Variants in GRK5 observed in about 807,000 individuals in gnomAD.
GRK5 encodes G protein-coupled receptor kinase 5.
A neutral mutation model predicts 78.4 loss-of-function variants in GRK5; 40 were observed. The ratio of observed to expected loss-of-function variants is 0.51; its 90% CI spans 0.40 to 0.66. The LOEUF (loss-of-function observed/expected upper bound fraction) is 0.66, where lower values mean the gene tolerates loss of function less well. Among genes scored for constraint, GRK5 ranks in the 30% least tolerant of loss-of-function variants. The pLI, the probability that GRK5 is intolerant of heterozygous loss-of-function variation, is 0.00. For synonymous variants in GRK5, 289 were observed against 296.8 expected (o/e 0.97, Z 0.27); for missense variants, 598 against 759.9 (o/e 0.79, Z 2.50).
intron 1 of GRK5, among the ~76,000 whole-genome samples, chr10:119,320,037 G>A (rs1482580980): frequency 1.3e-5 from 2 of 152,220 alleles, no homozygotes; most frequent in Non-Finnish European, 2.9e-5. Context: ...CAGACAGGGG[G>A]CTCTGCCTTT....
At position 119,453,264 on chromosome 10, in the gene GRK5, C is replaced by T; in HGVS notation, c.1662C>T (p.Leu554=). Residue 554 remains leucine, a synonymous_variant, in exon 15 of 16, where the codon CTC becomes CTT. Coordinates refer to ENST00000392870, the MANE Select transcript of GRK5 (RefSeq NM_005308.3). ...CCAAGAAAGGGCTGCTCCAGAGACT[C>T]TTCAAGCGGCAGGTGAGACACCCAT... is the stretch of plus-strand genomic sequence containing the variant. ...EPPKKGLLQR[L]FKRQHQNNSK... The T allele has an allele frequency of 6.2e-7, 1 of 1,614,074 alleles. No homozygotes were observed. The highest frequency in any genetic ancestry group is 8.5e-7 in the Non-Finnish European group (1 of 1,180,008).
intron 8 of GRK5, among the ~76,000 whole-genome samples, chr10:119,434,128 A>G (rs1249973245): frequency 6.6e-6 from 1 of 152,168 alleles, no homozygotes; most frequent in Non-Finnish European, 1.5e-5. Flanking sequence ...CAATTCAATT[A>G]TCTCCCACCG....
chr10:119,270,703 A>G (rs928541563), intron 1 of GRK5, among the ~76,000 whole-genome samples: 7 of 152,184 alleles, frequency 4.6e-5, no homozygotes, highest in Non-Finnish European at 8.8e-5. Flanking sequence ...GGAATGCACA[A>G]ATTAGCTGGG....
chr10:119,386,239 G>A (rs1260059143), intron 3 of GRK5, among the ~76,000 whole-genome samples: 2 of 152,306 alleles, frequency 1.3e-5, no homozygotes, highest in Admixed American at 1.3e-4. Flanking sequence ...GGCTGGAGGA[G>A]CTCACCAAGG....
In GRK5 at chr10:119,394,964, G is replaced by A. The variant is rs574418693; in HGVS notation, c.262-1731G>A. Among the ~76,000 whole-genome samples the A allele has an allele frequency of 8.3e-4, 126 of 151,142 alleles. 1 individual carries two copies. Among genetic ancestry groups the A allele is most frequent in the African/African-American group, 2.7e-3 (111 of 41,344 alleles). On this transcript the variant is annotated intron_variant, in intron 3 of 15. Coordinates refer to ENST00000392870, the MANE Select transcript of GRK5 (RefSeq NM_005308.3). ...AAAGCATCTCAGGAATTCATCTCTC[G>A]AGTCAAATCATCAAGAAGTGCCCAG...
chr10:119,443,782 C>G, intron 12 of GRK5, 30 bp downstream of exon 12: 1 of 1,554,254 alleles, frequency 6.4e-7, no homozygotes, highest in Non-Finnish European at 8.8e-7. Flanking sequence ...ATGCCACCCT[C>G]AAGCTGGTGG....
At chr10:119,454,537 G>GC (rs964583917) in intron 15 of GRK5, among the ~76,000 whole-genome samples, 1 of 152,210 alleles carries the variant, frequency 6.6e-6, no homozygotes, top group African/African-American at 2.4e-5. Flanking sequence ...TCCCAGGCCG[G>GC]CCCTCGCTAG....
At chr10:119,434,184 T>G (rs1263093867) in intron 8 of GRK5, among the ~76,000 whole-genome samples, 2 of 152,222 alleles carry the variant, frequency 1.3e-5, no homozygotes, top group African/African-American at 4.8e-5. Context: ...CAATTCAAGA[T>G]GAGATTTGGG....
chr10:119,334,316 AAAAG>A (rs889592420), intron 2 of GRK5, among the ~76,000 whole-genome samples: 33 of 152,298 alleles, frequency 2.2e-4, no homozygotes, highest in Admixed American at 1.8e-3. Flanking sequence ...AAAAAAAAGA[AAAAG>A]AGAGAGAGAG....
chr10:119,421,617 C>T (rs1226515449), intron 4 of GRK5, among the ~76,000 whole-genome samples: 2 of 152,204 alleles, frequency 1.3e-5, no homozygotes, highest in African/African-American at 4.8e-5. Context: ...GCAGCCACTA[C>T]CCAGGCTGCT....
intron 4 of GRK5, among the ~76,000 whole-genome samples, chr10:119,404,054 T>C (rs1852195589): frequency 1.3e-5 from 2 of 152,258 alleles, no homozygotes; most frequent in Admixed American, 1.3e-4. Flanking sequence ...GTAGAATTGC[T>C]GGGTCATGTG....
chr10:119,452,906 A>C lies in GRK5; in HGVS notation c.1542+98A>C. 7.2e-7 allele frequency: 1 copy of C among 1,387,672 alleles called. No homozygotes were observed. Among genetic ancestry groups the C allele is most frequent in the Non-Finnish European group, 1.0e-6 (1 of 1,000,896 alleles). The allele number at this position is 1,387,672 out of a possible 1,614,324, so 86.0% of individuals were successfully genotyped here. On this transcript the variant is annotated intron_variant, in intron 14 of 15. Coordinates refer to ENST00000392870, the MANE Select transcript of GRK5 (RefSeq NM_005308.3). The surrounding 1 kb of genome is among the most constrained non-coding windows in gnomAD (Gnocchi z 4.4). ...ATATGAGTTTGGCGGCAGGAGGCTG[A>C]GCGCATGGTTTCTGTTTTCTCCATG...
At chr10:119,269,483 C>T (rs1400144104) in intron 1 of GRK5, among the ~76,000 whole-genome samples, 1 of 152,026 alleles carries the variant, frequency 6.6e-6, no homozygotes, top group Non-Finnish European at 1.5e-5. Context: ...AGGCCCTGTT[C>T]AGAGAGCTTT....
In GRK5 at chr10:119,301,679, C is replaced by T. The variant is rs139370061; in HGVS notation, c.53-24837C>T. 2.6e-3 allele frequency among the ~76,000 whole-genome samples: 396 copies of T among 152,324 alleles called. 3 individuals are homozygous for T. Among genetic ancestry groups the T allele is most frequent in the Middle Eastern group, 0.024 (7 of 294 alleles). On this transcript the variant is annotated intron_variant, in intron 1 of 15. Transcript: ENST00000392870. ...TAGTCTTCCAGAAGCCCCTGGCTCT[C>T]CTTTTGAGTCACTTTGACCACGCCT...
intron 4 of GRK5, among the ~76,000 whole-genome samples, chr10:119,420,180 G>C (rs1018967998): frequency 2.4e-4 from 36 of 152,170 alleles, no homozygotes; most frequent in Non-Finnish European, 4.6e-4. Context: ...CTCAGGATAT[G>C]ATTCAGTGAA....
At chr10:119,440,552 AT>A (rs35117721) in intron 10 of GRK5, among the ~76,000 whole-genome samples, 53,760 of 137,288 alleles carry the variant, frequency 0.39, 11,243 homozygotes, top group Non-Finnish European at 0.47. Context: ...TAGTTTTTGT[AT>A]TTTTTTTTTT....
At chr10:119,442,996 T>G (rs531136852) in intron 11 of GRK5, among the ~76,000 whole-genome samples, 266 of 152,310 alleles carry the variant, frequency 1.7e-3, no homozygotes, top group African/African-American at 6.1e-3. Flanking sequence ...TGCAGAGTGT[T>G]CCATGCATCT....
intron 12 of GRK5, 140 bp downstream of exon 12, chr10:119,443,892 C>A: frequency 1.4e-6 from 1 of 734,850 alleles, no homozygotes; most frequent in Non-Finnish European, 2.2e-6. Context: ...GCCCACCAAG[C>A]TAGAGTTGAG....
At chr10:119,371,164 G>A (rs1851540087) in intron 2 of GRK5, among the ~76,000 whole-genome samples, 1 of 152,170 alleles carries the variant, frequency 6.6e-6, no homozygotes, top group Admixed American at 6.5e-5. Flanking sequence ...GTCCCAAGCA[G>A]GTTTCAGTGG....
Sources: gnomAD v4.1 joint callset for allele counts (sites outside exome capture counted in the v4.1 genomes callset) on GRCh38, gnomAD v4.1.1 for gene constraint, Gnocchi (gnomAD v3.1) non-coding constraint, MANE v1.5 for transcripts, NCBI Gene and HGNC (gene_info 2026-07-23, HGNC 2026-07-21) for gene names.